UBE2E2: variants seen among roughly 807,000 people sequenced by gnomAD.
UBE2E2 encodes ubiquitin conjugating enzyme E2 E2, also known as ubiquitin-conjugating enzyme E2 E2.
UBE2E2 carries 6 observed loss-of-function variants against 24.7 expected under a neutral mutation model. That is an observed-to-expected ratio of 0.24 (90% confidence interval 0.13 to 0.48). UBE2E2 has a LOEUF of 0.48. UBE2E2 is among the 20% of genes least tolerant of loss of function. The pLI is 0.99. For missense variants in UBE2E2, 169 were observed against 245.0 expected (o/e 0.69, Z 2.07); for synonymous variants, 104 against 83.6 (o/e 1.24, Z -1.33).
At chr3:23,380,924 A>T (rs952106680) in intron 3 of UBE2E2, among the ~76,000 whole-genome samples, 1 of 152,140 alleles carries the variant, frequency 6.6e-6, no homozygotes, top group Non-Finnish European at 1.5e-5. Flanking sequence ...TTGAAACATA[A>T]CTAGTTTATA....
chr3:23,518,292 AAG>A (rs1434953346), intron 4 of UBE2E2, among the ~76,000 whole-genome samples: 1 of 152,210 alleles, frequency 6.6e-6, no homozygotes, highest in Non-Finnish European at 1.5e-5. Context: ...AGAAGAACAG[AAG>A]AGAGAGATTG....
chr3:23,489,770 G>T (rs1020857661), intron 3 of UBE2E2, among the ~76,000 whole-genome samples: 1 of 152,176 alleles, frequency 6.6e-6, no homozygotes, highest in East Asian at 1.9e-4. Context: ...CTGGATTAGA[G>T]GGTTCAGGTT....
chr3:23,307,681 G>C (rs1364623361), intron 3 of UBE2E2, among the ~76,000 whole-genome samples: 3 of 152,088 alleles, frequency 2.0e-5, no homozygotes, highest in Non-Finnish European at 4.4e-5. Context: ...TATTGATATA[G>C]ATCCCATTAA....
At position 23,407,357 on chromosome 3, in the gene UBE2E2, T is replaced by C. The variant is rs1397482487; in HGVS notation, c.228-92251T>C. 6.6e-6 allele frequency among the ~76,000 whole-genome samples: 1 copy of C among 152,180 alleles called. No individual in the cohort carries two copies. On this transcript the variant is annotated intron_variant, in intron 3 of 5. Coordinates refer to ENST00000396703, the MANE Select transcript of UBE2E2 (RefSeq NM_152653.4). This position sits in a 1 kb window ranked among gnomAD's most constrained non-coding sequence, Gnocchi z 4.0. Reference sequence around the variant, plus strand: ...GCTGCTTAGTTCTGGTTCTGTGACCTTAGCTAAGATCCCAGTGTCCACAAA... The same window carrying C: ...GCTGCTTAGTTCTGGTTCTGTGACCCTAGCTAAGATCCCAGTGTCCACAAA...
intron 5 of UBE2E2, among the ~76,000 whole-genome samples, chr3:23,566,354 G>A (rs541721643): frequency 6.6e-6 from 1 of 152,298 alleles, no homozygotes; most frequent in Admixed American, 6.5e-5. Flanking sequence ...TGATTAAAAG[G>A]TTTTTGAAGA....
At chr3:23,393,515 A>G (rs1258514002) in intron 3 of UBE2E2, among the ~76,000 whole-genome samples, 1 of 152,192 alleles carries the variant, frequency 6.6e-6, no homozygotes, top group Non-Finnish European at 1.5e-5. Flanking sequence ...CCTGGGTGTG[A>G]TGTCTCCCTA....
rs1258753060 is a variant in UBE2E2 at position 23,590,771 on chromosome 3, A to G, written c.*940A>G. On this transcript the variant is annotated 3_prime_UTR_variant, in exon 6 of 6. Transcript: ENST00000396703. ...GTAGCCTGATGATTTTATGGTTGTT[A>G]TAGTAAATTGCTATCATTTTACATA... is the stretch of plus-strand genomic sequence containing the variant. 6.6e-6 allele frequency: 1 copy of G among 152,236 alleles called. No individual in the cohort carries two copies. The highest frequency in any genetic ancestry group is 2.1e-4 in the South Asian group (1 of 4,830). The allele number at this position is 152,236 out of a possible 1,614,324, so 9.4% of individuals were successfully genotyped here.
At chr3:23,498,244 T>C (rs1699647928) in intron 3 of UBE2E2, among the ~76,000 whole-genome samples, 1 of 152,202 alleles carries the variant, frequency 6.6e-6, no homozygotes, top group African/African-American at 2.4e-5. Context: ...CAAACTCTAA[T>C]ATTTTGACTT....
intron 3 of UBE2E2, among the ~76,000 whole-genome samples, chr3:23,417,042 C>T (rs1575615450): frequency 1.3e-5 from 2 of 152,184 alleles, no homozygotes; most frequent in South Asian, 4.1e-4. Flanking sequence ...CTTCTGAAGC[C>T]TACTTCTGTC....
At position 23,287,993 on chromosome 3, in the gene UBE2E2, T is replaced by G. The variant is rs74481462; in HGVS notation, c.227+70681T>G. On this transcript the variant is annotated intron_variant, in intron 3 of 5. Coordinates refer to ENST00000396703, the MANE Select transcript of UBE2E2 (RefSeq NM_152653.4). ...TTTGGGTTTGGTTTGCTCTTGCTTT[T>G]CTGGTTCTTTAAAATGCATCATTAG... 3.0e-3 allele frequency among the ~76,000 whole-genome samples: 456 copies of G among 152,222 alleles called. 2 individuals are homozygous for G. Among genetic ancestry groups the G allele is most frequent in the Non-Finnish European group, 4.7e-3 (320 of 67,998 alleles).
chr3:23,299,669 TC>T (rs746466203), intron 3 of UBE2E2, among the ~76,000 whole-genome samples: 35 of 152,372 alleles, frequency 2.3e-4, no homozygotes, highest in Non-Finnish European at 3.2e-4. Context: ...TAATTTCTGT[TC>T]TTTTGCATTT....
chr3:23,499,046 A>G (rs1699664726), intron 3 of UBE2E2, among the ~76,000 whole-genome samples: 1 of 152,238 alleles, frequency 6.6e-6, no homozygotes, highest in Non-Finnish European at 1.5e-5. Context: ...AAGAAGCATT[A>G]GTTGCAAAAC....
chr3:23,444,125 T>C (rs946797266), intron 3 of UBE2E2, among the ~76,000 whole-genome samples: 10 of 151,434 alleles, frequency 6.6e-5, no homozygotes, highest in Non-Finnish European at 1.3e-4. Flanking sequence ...ATATGACTTA[T>C]GTCCCTCAAA....
At chr3:23,338,095 T>C (rs1156340059) in intron 3 of UBE2E2, among the ~76,000 whole-genome samples, 1 of 152,202 alleles carries the variant, frequency 6.6e-6, no homozygotes, top group Non-Finnish European at 1.5e-5. Flanking sequence ...CTGGTGTTGC[T>C]ATCACCAAGA....
At chr3:23,281,514 G>A (rs1698490088) in intron 3 of UBE2E2, among the ~76,000 whole-genome samples, 1 of 152,172 alleles carries the variant, frequency 6.6e-6, no homozygotes, top group African/African-American at 2.4e-5. Context: ...GCATGTGCCT[G>A]TAGTCCCAAC....
At chr3:23,353,187 A>C (rs1033814437) in intron 3 of UBE2E2, among the ~76,000 whole-genome samples, 36 of 152,266 alleles carry the variant, frequency 2.4e-4, no homozygotes, top group Middle Eastern at 3.4e-3. Context: ...ATTCAACAAC[A>C]CTTCATGCTA....
At chr3:23,533,464 G>A (rs534194799) in intron 5 of UBE2E2, among the ~76,000 whole-genome samples, 27 of 152,146 alleles carry the variant, frequency 1.8e-4, no homozygotes, top group African/African-American at 6.5e-4. Context: ...CTGTTCACTG[G>A]ATACATGAAA....
At chr3:23,522,128 ATTTTTT>A (rs34111484) in intron 4 of UBE2E2, among the ~76,000 whole-genome samples, 1 of 124,278 alleles carries the variant, frequency 8.0e-6, no homozygotes, top group Non-Finnish European at 1.6e-5. Flanking sequence ...TAACCAGCTA[ATTTTTT>A]TTTTTTTTTT....
chr3:23,236,027 A>T (rs753594090), intron 3 of UBE2E2, among the ~76,000 whole-genome samples: 1 of 152,164 alleles, frequency 6.6e-6, no homozygotes, highest in African/African-American at 2.4e-5. Context: ...ATAGACAGAC[A>T]GTAATACTCA....
Sources: allele counts gnomAD v4.1 joint callset (sites outside exome capture counted in the v4.1 genomes callset), GRCh38; gene constraint gnomAD v4.1.1; non-coding constraint Gnocchi (gnomAD v3.1); transcripts MANE v1.5; gene names NCBI Gene and HGNC (gene_info 2026-07-23, HGNC 2026-07-21).